Variants in ARFIP1 observed in about 807,000 individuals in gnomAD.
ARFIP1 encodes the protein ARF interacting protein 1.
Under a neutral mutation model 42.5 loss-of-function variants are expected in ARFIP1, and 24 were observed. The ratio of observed to expected loss-of-function variants is 0.57; its 90% CI spans 0.41 to 0.80. ARFIP1 has a LOEUF of 0.80. Ranked by LOEUF, ARFIP1 falls within the 30% of genes least tolerant of loss-of-function variation. The pLI is 0.00. For missense variants in ARFIP1, 354 were observed against 434.0 expected (o/e 0.82, Z 1.64); for synonymous variants, 141 against 153.7 (o/e 0.92, Z 0.61).
At chr4:152,842,736 A>C (rs1041138167) in intron 2 of ARFIP1, among the ~76,000 whole-genome samples, 5 of 152,032 alleles carry the variant, frequency 3.3e-5, no homozygotes, top group Non-Finnish European at 7.4e-5. Flanking sequence ...TGGATTTCTA[A>C]AAGTGTTTCC....
At chr4:152,900,881 A>G (rs1429058481) in intron 8 of ARFIP1, among the ~76,000 whole-genome samples, 2 of 152,200 alleles carry the variant, frequency 1.3e-5, no homozygotes. Context: ...CTATCCCAAT[A>G]TTTTTGTACA....
At chr4:152,864,669 G>T (rs1734172434) in intron 3 of ARFIP1, among the ~76,000 whole-genome samples, 1 of 152,212 alleles carries the variant, frequency 6.6e-6, no homozygotes, top group African/African-American at 2.4e-5. Flanking sequence ...CAGAAGGAAA[G>T]CAGGTAAGCA....
In ARFIP1 at chr4:152,870,769, A is replaced by G. The variant is rs767702091; in HGVS notation, c.219A>G (p.Pro73=). 7.4e-6 allele frequency: 12 copies of G among 1,614,084 alleles called. No homozygotes were observed. The highest frequency in any genetic ancestry group is 1.0e-5 in the Non-Finnish European group (12 of 1,179,946). ...AGAFQGSPAP[P]LPSVMSPSRV... ...CCTTTTCAGGTTCCCCAGCACCGCCACTGCCATCTGTTATGTCTCCTAGCA... is the reference window on the plus strand; with the variant it reads ...CCTTTTCAGGTTCCCCAGCACCGCCGCTGCCATCTGTTATGTCTCCTAGCA... The change falls in exon 4 of 9, where the codon CCA becomes CCG. Residue 73 remains proline, a synonymous_variant. Transcript: ENST00000353617.
chr4:152,870,197 C>T (rs1734762832), intron 3 of ARFIP1, among the ~76,000 whole-genome samples: 1 of 152,128 alleles, frequency 6.6e-6, no homozygotes, highest in African/African-American at 2.4e-5. Context: ...CCTCTATGTC[C>T]ACATTATGAA....
chr4:152,807,177 A>G (rs976963505), intron 1 of ARFIP1: 7 of 116,046 alleles, frequency 6.0e-5, no homozygotes, highest in Non-Finnish European at 8.7e-5. Context: ...TCATTAACCT[A>G]GTGATGGACT....
chr4:152,804,223 A>ATAAGATGTATTATATATTATATATAACG, intron 1 of ARFIP1, among the ~76,000 whole-genome samples: 1 of 118,982 alleles, frequency 8.4e-6, no homozygotes, highest in Non-Finnish European at 1.6e-5. Context: ...TATATATAAT[A>ATAAGATGTATTATATATTATATATAACG]TAACATGTAT....
intron 2 of ARFIP1, among the ~76,000 whole-genome samples, chr4:152,847,124 C>CTTTTTTTTTTTGTTTTTTTTTT (rs1732604396): frequency 2.5e-5 from 1 of 40,584 alleles, no homozygotes; most frequent in Non-Finnish European, 4.5e-5. Flanking sequence ...TAGGTTTGTT[C>CTTTTTTTTTTTGTTTTTTTTTT]TTTTTTTTTT....
At chr4:152,889,769 A>ATAC (rs1561173514) in intron 8 of ARFIP1, among the ~76,000 whole-genome samples, 1 of 18,790 alleles carries the variant, frequency 5.3e-5, no homozygotes, top group Admixed American at 8.3e-4. Flanking sequence ...ATACTATACT[A>ATAC]TATACTATAT....
intron 2 of ARFIP1, among the ~76,000 whole-genome samples, chr4:152,834,704 C>A (rs1031707042): frequency 6.6e-6 from 1 of 152,192 alleles, no homozygotes; most frequent in African/African-American, 2.4e-5. Flanking sequence ...GAGTTGAGTG[C>A]CTGTGCCTTT....
intron 1 of ARFIP1, among the ~76,000 whole-genome samples, chr4:152,785,911 A>G (rs1425089222): frequency 6.6e-6 from 1 of 152,204 alleles, no homozygotes; most frequent in African/African-American, 2.4e-5. Context: ...TTTATTGGAC[A>G]GTGCAAATTT....
At chr4:152,873,929 A>G (rs1735107104) in intron 5 of ARFIP1, among the ~76,000 whole-genome samples, 1 of 152,162 alleles carries the variant, frequency 6.6e-6, no homozygotes, top group Non-Finnish European at 1.5e-5. Flanking sequence ...CAAATTTCCC[A>G]GAAACTTCCT....
At chr4:152,787,130 A>G (rs944447710) in intron 1 of ARFIP1, among the ~76,000 whole-genome samples, 9 of 152,160 alleles carry the variant, frequency 5.9e-5, no homozygotes, top group Non-Finnish European at 1.3e-4. Flanking sequence ...AATCCCTAGA[A>G]CCTAGCTCAG....
chr4:152,910,224 A>G lies in ARFIP1; in HGVS notation c.*5A>G. The G allele has an allele frequency of 6.2e-7, 1 of 1,606,996 alleles. No homozygotes were observed. Among genetic ancestry groups the G allele is most frequent in the Non-Finnish European group, 8.5e-7 (1 of 1,177,672 alleles). On this transcript the variant is annotated 3_prime_UTR_variant, in exon 9 of 9. Transcript: ENST00000353617. Reference sequence around the variant, plus strand: ...TCTTGGCTTGAAGAACAGTAAAATCACAGCGGAAAATAAAAAGAAAGTCGC... The same window carrying G: ...TCTTGGCTTGAAGAACAGTAAAATCGCAGCGGAAAATAAAAAGAAAGTCGC...
intron 1 of ARFIP1, among the ~76,000 whole-genome samples, chr4:152,813,757 A>G (rs936512885): frequency 1.3e-5 from 2 of 152,184 alleles, no homozygotes; most frequent in East Asian, 3.8e-4. Flanking sequence ...ATCTTGATAC[A>G]TATTAAGCCC....
chr4:152,800,835 C>T (rs1578823940), intron 1 of ARFIP1, among the ~76,000 whole-genome samples: 2 of 152,018 alleles, frequency 1.3e-5, no homozygotes, highest in Non-Finnish European at 2.9e-5. Flanking sequence ...ATTCCTTTAG[C>T]GTGGTACAAG....
At chr4:152,796,001 T>C in intron 1 of ARFIP1, 1 of 598,634 alleles carries the variant, frequency 1.7e-6, no homozygotes, top group Non-Finnish European at 3.2e-6. Context: ...TCAGAAACAT[T>C]ACAGTAATGG....
At chr4:152,808,313 TTTTTG>T in intron 1 of ARFIP1, among the ~76,000 whole-genome samples, 1 of 127,406 alleles carries the variant, frequency 7.8e-6, no homozygotes, top group Non-Finnish European at 1.7e-5. Context: ...TTTTTTTTTT[TTTTTG>T]TAGCAGTAGT....
In ARFIP1 at chr4:152,827,414, A is replaced by G. The variant is rs568996038; in HGVS notation, c.-9-2211A>G. Among the ~76,000 whole-genome samples the G allele has an allele frequency of 6.6e-5, 10 of 152,236 alleles. No homozygotes were observed. In the East Asian group the frequency reaches 1.7e-3, roughly 26 times the overall value. On this transcript the variant is annotated intron_variant, in intron 1 of 8. Coordinates refer to ENST00000353617, the MANE Select transcript of ARFIP1 (RefSeq NM_001025595.3). ...AAAATTGATGACCCTACATTGACAC[A>G]TCATCACCCCAAGTTCGTACTTTAC...
intron 1 of ARFIP1, among the ~76,000 whole-genome samples, 163 bp downstream of exon 1, chr4:152,780,389 C>T (rs1730411741): frequency 6.6e-6 from 1 of 152,228 alleles, no homozygotes; most frequent in South Asian, 2.1e-4. Flanking sequence ...CCTTTGGTTT[C>T]TTCTGTCCTT....
Sources: allele counts gnomAD v4.1 joint callset (sites outside exome capture counted in the v4.1 genomes callset), GRCh38; gene constraint gnomAD v4.1.1; transcripts MANE v1.5; gene names NCBI Gene and HGNC (gene_info 2026-07-23, HGNC 2026-07-21).